NEB: variants seen among roughly 807,000 people sequenced by gnomAD.
The protein encoded by NEB is nebulin.
A neutral mutation model predicts 952.2 loss-of-function variants in NEB; 512 were observed. The ratio of observed to expected loss-of-function variants is 0.54; its 90% CI spans 0.50 to 0.58. The LOEUF is 0.58. Among genes scored for constraint, NEB ranks in the 20% least tolerant of loss-of-function variants. The pLI is 0.00. For missense variants in NEB, 8,428 were observed against 9,231.1 expected, an observed-to-expected ratio of 0.91 and a Z score of 3.56; for synonymous variants, 2,900 against 3,149.8, an observed-to-expected ratio of 0.92 and a Z score of 2.66.
chr2:151,720,187 G>A (rs1261786785), intron 9 of NEB, among the ~76,000 whole-genome samples: 1 of 152,090 alleles, frequency 6.6e-6, no homozygotes, highest in Non-Finnish European at 1.5e-5. Flanking sequence ...CTCTTAGTGT[G>A]TGCAAAGTAG....
chr2:151,489,130 C>G (rs867604768), intron 181 of NEB, among the ~76,000 whole-genome samples: 1 of 152,136 alleles, frequency 6.6e-6, no homozygotes, highest in Non-Finnish European at 1.5e-5. Flanking sequence ...TTACAGTATT[C>G]CCTTCCTTAA....
chr2:151,667,694 A>ATT, intron 40 of NEB, 110 bp downstream of exon 40: 53 of 602,338 alleles, frequency 8.8e-5, no homozygotes, highest in East Asian at 1.8e-4. Flanking sequence ...CATCTGGCTA[A>ATT]TTTTTTTTTT....
At chr2:151,555,085 G>T in intron 124 of NEB, 41 bp from the exon 125 acceptor site, 1 of 1,336,802 alleles carries the variant, frequency 7.5e-7, no homozygotes, top group African/African-American at 1.4e-5. Context: ...GTTTTAGAGA[G>T]TAATGGATTT....
chr2:151,538,087 T>C, intron 139 of NEB, 53 bp downstream of exon 139: 2 of 1,507,330 alleles, frequency 1.3e-6, no homozygotes, highest in Non-Finnish European at 1.8e-6. Flanking sequence ...TATATGTATA[T>C]GTATATGGTG....
chr2:151,729,569 T>C (rs991851731), intron 4 of NEB, 46 bp downstream of exon 4: 1 of 1,600,338 alleles, frequency 6.2e-7, no homozygotes, highest in African/African-American at 1.3e-5. Context: ...AAGCTCTTCC[T>C]GCTTTAATGA....
chr2:151,650,419 A>C, intron 53 of NEB, 40 bp from the exon 54 acceptor site: 2 of 1,586,660 alleles, frequency 1.3e-6, no homozygotes, highest in Non-Finnish European at 1.7e-6. Flanking sequence ...TCCCATTCTC[A>C]CCTGGACCCT....
At chr2:151,643,514 A>G (rs1022785311) in intron 57 of NEB, among the ~76,000 whole-genome samples, 161 bp from the exon 58 acceptor site, 4 of 152,264 alleles carry the variant, frequency 2.6e-5, no homozygotes, top group Admixed American at 1.3e-4. Flanking sequence ...GGTATGAATT[A>G]TAAATCAACA....
chr2:151,618,618 A>G, intron 73 of NEB, 140 bp from the exon 74 acceptor site: 1 of 855,724 alleles, frequency 1.2e-6, no homozygotes, highest in Non-Finnish European at 1.8e-6. Flanking sequence ...ACTCACGCAC[A>G]TTATTGAATC....
chr2:151,514,451 C>A, intron 158 of NEB, 23 bp from the exon 159 acceptor site: 1 of 1,524,610 alleles, frequency 6.6e-7, no homozygotes, highest in Non-Finnish European at 9.1e-7. Flanking sequence ...AGAAAAGCAA[C>A]AACATTGACA....
intron 168 of NEB, among the ~76,000 whole-genome samples, chr2:151,500,523 C>T (rs757898429): frequency 2.7e-5 from 4 of 149,706 alleles, no homozygotes; most frequent in Non-Finnish European, 4.4e-5. Flanking sequence ...AAAAAAAAAT[C>T]AGAAGGCCTG....
Position 151,730,722 on chromosome 2 carries a change from C to T in NEB, c.37-1066G>A, listed in dbSNP as rs117900257. Among the ~76,000 whole-genome samples the T allele has an allele frequency of 6.0e-5, 9 of 151,234 alleles. No individual in the cohort carries two copies. The East Asian group carries it at 1.8e-3, about 29-fold the overall frequency. ...CAAGGGAAGGGAAAACATTAAGATG[C>T]AAAATTTCCCTCAATGGCCTGCATT... On this transcript the variant is annotated intron_variant, in intron 3 of 181. Coordinates refer to ENST00000397345, the MANE Select transcript of NEB (RefSeq NM_001164508.2).
Position 151,502,940 on chromosome 2 carries a change from G to C in NEB, c.23836-55C>G, listed in dbSNP as rs186299935. Reference sequence around the variant, plus strand: ...CATTTAAAACAGGCACAGAGAGTAAGGAAGGAAGGAAATGGGGGAAGGGGT... The same window carrying C: ...CATTTAAAACAGGCACAGAGAGTAACGAAGGAAGGAAATGGGGGAAGGGGT... On this transcript the variant is annotated intron_variant, in intron 166 of 181. Coordinates refer to ENST00000397345, the MANE Select transcript of NEB (RefSeq NM_001164508.2). 4.1e-4 allele frequency: 445 copies of C among 1,072,754 alleles called. 1 individual carries two copies. In the African/African-American group the frequency reaches 5.8e-3, roughly 14 times the overall value. 66.5% of individuals were successfully genotyped at this position (1,072,754 alleles called of 1,614,324 possible).
intron 135 of NEB, among the ~76,000 whole-genome samples, chr2:151,545,243 T>A (rs2094532233): frequency 6.6e-6 from 1 of 152,172 alleles, no homozygotes; most frequent in Non-Finnish European, 1.5e-5. Context: ...AAAGAAAATT[T>A]TGAAATAAGT....
intron 155 of NEB, among the ~76,000 whole-genome samples, 171 bp from the exon 156 acceptor site, chr2:151,518,593 G>A (rs562484158): frequency 6.6e-6 from 1 of 152,198 alleles, no homozygotes; most frequent in East Asian, 1.9e-4. Context: ...TCCAAGTTCA[G>A]TATTGTCCGT....
Position 151,617,472 on chromosome 2 carries a change from C to CAAA in NEB, c.11077-7_11077-5dup, listed in dbSNP as rs749915004. The CAAA allele has an allele frequency of 6.4e-4, 526 of 819,026 alleles. No homozygotes were observed. Among genetic ancestry groups the CAAA allele is most frequent in the African/African-American group, 3.5e-3 (137 of 39,102 alleles). 50.7% of individuals were successfully genotyped at this position (819,026 alleles called of 1,614,324 possible). A position where few individuals can be genotyped will look rare whatever the true frequency, so the allele number is the denominator to read the frequency against. ...CCCAGGCTTCAGTATATAAGCGCTACAAAAAAAAAAAAAAAAGAGAGAGAG... is the reference window on the plus strand; with the variant it reads ...CCCAGGCTTCAGTATATAAGCGCTACAAAAAAAAAAAAAAAAAAAGAGAGAGAG... On this transcript the variant is annotated splice_region_variant and splice_polypyrimidine_tract_variant and intron_variant, in intron 74 of 181. Coordinates refer to ENST00000397345, the MANE Select transcript of NEB (RefSeq NM_001164508.2).
chr2:151,629,641 TAG>T lies in NEB; in HGVS notation c.9727_9728del (p.Leu3243IlefsTer6). 6.2e-7 allele frequency: 1 copy of T among 1,613,126 alleles called. No individual in the cohort carries two copies. Among genetic ancestry groups the T allele is most frequent in the East Asian group, 2.2e-5 (1 of 44,846 alleles). ...RQNKINYSET[L>X]YKLANEEAKK... ...TTGCTTCTTCATTGGCAAGTTTGTA[TAG>T]AGTCTATGAAAAGAAAGGCAAAGAG... On this transcript the variant is annotated frameshift_variant, in exon 68 of 182. Coordinates refer to ENST00000397345, the MANE Select transcript of NEB (RefSeq NM_001164508.2). LOFTEE classifies it high-confidence loss of function.
chr2:151,691,199 C>T (rs1159338013), intron 23 of NEB, among the ~76,000 whole-genome samples: 1 of 152,112 alleles, frequency 6.6e-6, no homozygotes, highest in Non-Finnish European at 1.5e-5. Flanking sequence ...GTCTTCCTCC[C>T]CAGTAAATTT....
rs193227711 is a variant in NEB at position 151,727,890 on chromosome 2, T to A, written c.95A>T (p.Tyr32Phe). Residue 32 changes from tyrosine (Y) to phenylalanine (F), a missense_variant, in exon 5 of 182, where the codon TAT (tyrosine) becomes TTT (phenylalanine). Transcript: ENST00000397345. ...EVPGETITKIYETTTTRTSDY... is the reference protein window; with the variant it reads ...EVPGETITKIFETTTTRTSDY... ...AGATGTCCTTGTTGTCGTAGTCTCA[T>A]AAATTTTTGTTATTGTCTGAAAATT... 6.8e-6 allele frequency: 11 copies of A among 1,613,214 alleles called. No homozygotes were observed. The highest frequency in any genetic ancestry group is 3.4e-4 in the Middle Eastern group (2 of 5,938).
rs1387622880 is a variant in NEB, at chr2:151,717,528, A to G, written c.718-8T>C. 2 of 1,596,196 alleles carry G rather than the reference A, an allele frequency of 1.3e-6. No individual in the cohort carries two copies. The highest frequency in any genetic ancestry group is 1.7e-6 in the Non-Finnish European group (2 of 1,163,898). On this transcript the variant is annotated splice_region_variant and splice_polypyrimidine_tract_variant and intron_variant, in intron 9 of 181. Coordinates refer to ENST00000397345, the MANE Select transcript of NEB (RefSeq NM_001164508.2). ...ACCTTTTTTGTAGGCAACCTGATGA[A>G]ATAAAAGACAGGGATGTATTTTAAA... is the stretch of plus-strand genomic sequence containing the variant.
Sources: allele counts gnomAD v4.1 joint callset (sites outside exome capture counted in the v4.1 genomes callset), GRCh38; gene constraint gnomAD v4.1.1; transcripts MANE v1.5; gene names NCBI Gene and HGNC (gene_info 2026-07-23, HGNC 2026-07-21).